Variants in CPS1 observed in about 807,000 individuals in gnomAD.
CPS1 encodes carbamoyl-phosphate synthase [ammonia], mitochondrial.
In CPS1, 109 loss-of-function variants were observed where a neutral mutation model predicts 174.6. The ratio of observed to expected loss-of-function variants is 0.62; its 90% CI spans 0.53 to 0.73. The LOEUF is 0.73. Among genes scored for constraint, CPS1 ranks in the 30% least tolerant of loss-of-function variants. The pLI is 0.00. For synonymous variants in CPS1, 637 were observed against 632.0 expected, an observed-to-expected ratio of 1.01 and a Z score of -0.12; for missense variants, 1,689 against 1,821.9, an observed-to-expected ratio of 0.93 and a Z score of 1.33.
At chr2:210,511,114 A>G (rs1695475963) in intron 1 of CPS1, among the ~76,000 whole-genome samples, 1 of 152,178 alleles carries the variant, frequency 6.6e-6, no homozygotes, top group Non-Finnish European at 1.5e-5. Flanking sequence ...CACAATAGCA[A>G]AGACTTGGAA....
intron 1 of CPS1, among the ~76,000 whole-genome samples, chr2:210,545,752 A>C (rs1296614119): frequency 1.3e-5 from 2 of 152,064 alleles, no homozygotes; most frequent in African/African-American, 4.8e-5. Flanking sequence ...TACTCAAGTT[A>C]ATTTGCTCAG....
intron 23 of CPS1, 74 bp downstream of exon 23, chr2:210,639,289 T>C: frequency 8.4e-7 from 1 of 1,193,552 alleles, no homozygotes; most frequent in Non-Finnish European, 1.2e-6. Flanking sequence ...AATATATATT[T>C]TTTACCTCTT....
intron 1 of CPS1, among the ~76,000 whole-genome samples, chr2:210,564,467 C>T (rs1038347673): frequency 1.4e-4 from 21 of 152,098 alleles, no homozygotes; most frequent in African/African-American, 4.3e-4. Flanking sequence ...GGTCCGCCTC[C>T]GGGGTTCACG....
At chr2:210,579,913 T>C in intron 5 of CPS1, 143 bp downstream of exon 5, 7 of 692,614 alleles carry the variant, frequency 1.0e-5, no homozygotes, top group South Asian at 9.6e-5. Context: ...TGGGTCTCTG[T>C]TATTTTGTTT....
Position 210,606,967 on chromosome 2 carries a change from G to C in CPS1, c.2192+26G>C, listed in dbSNP as rs781715382. ...GTAAGACCAGAATAATTGACCATGG[G>C]TTTGCAGATTCTTTTCAGATAGAAA... is the stretch of plus-strand genomic sequence containing the variant. On this transcript the variant is annotated intron_variant, in intron 18 of 37. Coordinates refer to ENST00000233072, the MANE Select transcript of CPS1 (RefSeq NM_001875.5). 14 of 1,593,942 alleles carry C rather than the reference G, an allele frequency of 8.8e-6. No homozygotes were observed. In the African/African-American group the frequency reaches 1.1e-4, roughly 12 times the overall value.
At chr2:210,554,836 TACACACACAC>T (rs3060397), upstream of CPS1, among the ~76,000 whole-genome samples, 4 of 147,770 alleles carry the variant, frequency 2.7e-5, no homozygotes, top group Non-Finnish European at 6.0e-5. Context: ...CAACCCTCAC[TACACACACAC>T]ACACACACAC....
chr2:210,663,617 C>T (rs1700994032), intron 33 of CPS1, among the ~76,000 whole-genome samples: 1 of 152,070 alleles, frequency 6.6e-6, no homozygotes, highest in Non-Finnish European at 1.5e-5. Context: ...AGATCATAGA[C>T]CTAAACATTG....
chr2:210,591,664 T>C (rs1044860692), intron 9 of CPS1, among the ~76,000 whole-genome samples, 167 bp from the exon 10 acceptor site: 1 of 152,034 alleles, frequency 6.6e-6, no homozygotes, highest in Non-Finnish European at 1.5e-5. Flanking sequence ...GTTGGGAAAA[T>C]TACTGGGATT....
At chr2:210,555,569 C>A, upstream of CPS1, 1 of 451,122 alleles carries the variant, frequency 2.2e-6, no homozygotes, top group South Asian at 1.6e-5. Flanking sequence ...AATCCTTACC[C>A]CAACTCTAGC....
intron 1 of CPS1, among the ~76,000 whole-genome samples, chr2:210,567,198 G>T (rs964726892): frequency 1.1e-4 from 16 of 151,896 alleles, no homozygotes; most frequent in African/African-American, 3.6e-4. Flanking sequence ...TTTAAGGGAG[G>T]TATTTTAACA....
intron 21 of CPS1, 82 bp downstream of exon 21, chr2:210,616,623 G>T: frequency 1.1e-6 from 1 of 881,062 alleles, no homozygotes; most frequent in Non-Finnish European, 1.9e-6. Flanking sequence ...TAAGCATTTG[G>T]TCTACATTGT....
intron 31 of CPS1, among the ~76,000 whole-genome samples, chr2:210,660,230 C>G (rs1700872040): frequency 6.6e-6 from 1 of 152,052 alleles, no homozygotes; most frequent in Admixed American, 6.5e-5. Flanking sequence ...TATTTGAGCT[C>G]TGCATTAAAC....
intron 1 of CPS1, among the ~76,000 whole-genome samples, chr2:210,485,278 A>G (rs1284097081): frequency 1.3e-5 from 2 of 151,968 alleles, no homozygotes; most frequent in Non-Finnish European, 2.9e-5. Context: ...CTTATGAGAC[A>G]TAATGGACAT....
Position 210,556,828 on chromosome 2 carries a change from C to T in CPS1, c.95C>T (p.Ser32Leu). The T allele has an allele frequency of 6.2e-7, 1 of 1,613,042 alleles. No individual in the cohort carries two copies. The highest frequency in any genetic ancestry group is 8.5e-7 in the Non-Finnish European group (1 of 1,179,320). The change falls in exon 1 of 38, where the codon TCA becomes TTA. Residue 32 changes from serine (S) to leucine (L), a missense_variant. By Grantham distance (145) the Ser-to-Leu change is moderately radical. Coordinates refer to ENST00000233072, the MANE Select transcript of CPS1 (RefSeq NM_001875.5). Reference sequence around the variant, plus strand: ...ACTGCACACCAAAAATGGAAATTTTCAAGACCTGGCATCAGGCTCCTTTCT... The same window carrying T: ...ACTGCACACCAAAAATGGAAATTTTTAAGACCTGGCATCAGGCTCCTTTCT... The part of the protein sequence containing the change: ...NVTAHQKWKF[S>L]RPGIRLLSVK...
At position 210,677,799 on chromosome 2, in the gene CPS1, G is replaced by GGACAGACAC. The variant is rs1373727257; in HGVS notation, c.4405-87_4405-79dup. On this transcript the variant is annotated intron_variant, in intron 37 of 37. Coordinates refer to ENST00000233072, the MANE Select transcript of CPS1 (RefSeq NM_001875.5). Reference sequence around the variant, plus strand: ...TATCCCATACCCCTTTGAAAACTGGGGACAGACACTTGTGACTTTTGTCTT... The same window carrying GGACAGACAC: ...TATCCCATACCCCTTTGAAAACTGGGGACAGACACGACAGACACTTGTGACTTTTGTCTT... 6.6e-6 allele frequency: 7 copies of GGACAGACAC among 1,055,550 alleles called. No homozygotes were observed. The Admixed American group carries it at 8.4e-5, about 13-fold the overall frequency. The allele number at this position is 1,055,550 out of a possible 1,614,324, so 65.4% of individuals were successfully genotyped here.
chr2:210,547,765 T>TC (rs1696602406), intron 1 of CPS1, among the ~76,000 whole-genome samples: 1 of 152,096 alleles, frequency 6.6e-6, no homozygotes, highest in Non-Finnish European at 1.5e-5. Context: ...TAAAGGTTTA[T>TC]TAGTGAATCT....
intron 1 of CPS1, among the ~76,000 whole-genome samples, chr2:210,541,122 C>T (rs141427093): frequency 2.0e-5 from 3 of 152,078 alleles, no homozygotes; most frequent in Non-Finnish European, 4.4e-5. Context: ...CTCAGATCAT[C>T]GGGAGTGCAC....
chr2:210,552,384 G>A (rs1696754230), upstream of CPS1, among the ~76,000 whole-genome samples: 1 of 151,788 alleles, frequency 6.6e-6, no homozygotes, highest in Non-Finnish European at 1.5e-5. Flanking sequence ...CACTGATCAG[G>A]CAGGAATTAA....
intron 1 of CPS1, among the ~76,000 whole-genome samples, chr2:210,497,889 C>CGTACATATATATATAT (rs1695031447): frequency 1.6e-5 from 1 of 63,066 alleles, no homozygotes; most frequent in Non-Finnish European, 3.6e-5. Flanking sequence ...ACAATATATA[C>CGTACATATATATATAT]ATACATATAT....
Sources: allele counts gnomAD v4.1 joint callset (sites outside exome capture counted in the v4.1 genomes callset), GRCh38; gene constraint gnomAD v4.1.1; transcripts MANE v1.5; gene names NCBI Gene and HGNC (gene_info 2026-07-23, HGNC 2026-07-21).